Variants in CELF2 observed in about 807,000 individuals in gnomAD.
CELF2 encodes CUGBP Elav-like family member 2, also known as CUG triplet repeat RNA-binding protein 2.
CELF2 carries 8 observed loss-of-function variants against 62.6 expected under a neutral mutation model. The ratio of observed to expected loss-of-function variants is 0.13; its 90% CI spans 0.07 to 0.23. CELF2 has a LOEUF of 0.23. Ranked by LOEUF, CELF2 falls within the 10% of genes least tolerant of loss-of-function variation. The pLI, the probability that CELF2 is intolerant of heterozygous loss-of-function variation, is 1.00. For missense variants in CELF2, 333 were observed against 671.0 expected (o/e 0.50, Z 5.56); for synonymous variants, 258 against 250.0 (o/e 1.03, Z -0.30).
chr10:10,881,050 A>T (rs977862962), intron 1 of CELF2, among the ~76,000 whole-genome samples: 33 of 152,160 alleles, frequency 2.2e-4, no homozygotes, highest in African/African-American at 7.7e-4. Context: ...CAGTAAATAG[A>T]TTCTTCCAGA....
chr10:10,818,302 T>A (rs1434331588), intron 1 of CELF2, among the ~76,000 whole-genome samples: 1 of 152,186 alleles, frequency 6.6e-6, no homozygotes, highest in South Asian at 2.1e-4. Flanking sequence ...ATCAGTCACA[T>A]GCACCAGACT....
intron 1 of CELF2, among the ~76,000 whole-genome samples, chr10:10,862,854 A>G (rs1015528918): frequency 2.0e-5 from 3 of 152,214 alleles, no homozygotes; most frequent in Non-Finnish European, 2.9e-5. Flanking sequence ...ACACAAAAAC[A>G]ATTTATATTC....
rs35465939 is a variant in CELF2, at chr10:11,054,489, T to TTGTGTGTGTG, written c.74+36350_74+36359dup. Among the ~76,000 whole-genome samples, 742 of 149,574 alleles carry TTGTGTGTGTG rather than the reference T, an allele frequency of 5.0e-3. 9 individuals carry two copies. Among genetic ancestry groups the TTGTGTGTGTG allele is most frequent in the East Asian group, 0.033 (169 of 5,050 alleles). Reference sequence around the variant, plus strand: ...GAAGAAAACAACTGTGTATGTGTGTTTGTGTGTGTGTGTGTGTGTGTGTGT... The same window carrying TTGTGTGTGTG: ...GAAGAAAACAACTGTGTATGTGTGTTTGTGTGTGTGTGTGTGTGTGTGTGTGTGTGTGTGT... On this transcript the variant is annotated intron_variant, in intron 1 of 12. Coordinates refer to ENST00000633077, the MANE Select transcript of CELF2 (RefSeq NM_001326342.2).
chr10:10,481,664 T>C, the CELF2 span, among the ~76,000 whole-genome samples: 1 of 152,198 alleles, frequency 6.6e-6, no homozygotes, highest in Non-Finnish European at 1.5e-5. Context: ...AAATTAATAA[T>C]TGGGTCAGCA....
At chr10:10,873,512 TGTTTAGTAAGA>T (rs1471948872) in intron 1 of CELF2, among the ~76,000 whole-genome samples, 5 of 152,122 alleles carry the variant, frequency 3.3e-5, no homozygotes, top group Non-Finnish European at 5.9e-5. Flanking sequence ...CTGTCCAAGG[TGTTTAGTAAGA>T]TGAATTGCAG....
chr10:10,768,563 T>C, the CELF2 span, among the ~76,000 whole-genome samples: 4 of 144,602 alleles, frequency 2.8e-5, no homozygotes, highest in African/African-American at 1.0e-4. Context: ...TTTTCTTTCT[T>C]TCTTTTTCTT....
intron 8 of CELF2, among the ~76,000 whole-genome samples, chr10:11,281,799 C>A (rs1025854492): frequency 6.6e-6 from 1 of 152,160 alleles, no homozygotes; most frequent in Non-Finnish European, 1.5e-5. Context: ...AAACGTAGTA[C>A]ATAGTTAAGT....
intron 1 of CELF2, among the ~76,000 whole-genome samples, chr10:10,916,413 T>C (rs2064323232): frequency 6.6e-6 from 1 of 152,238 alleles, no homozygotes; most frequent in Non-Finnish European, 1.5e-5. Context: ...AATGTCAGTT[T>C]TTAGCACATG....
the CELF2 span, among the ~76,000 whole-genome samples, chr10:10,685,759 G>C: frequency 6.6e-6 from 1 of 152,182 alleles, no homozygotes; most frequent in African/African-American, 2.4e-5. Context: ...GAAAGAGTCT[G>C]TTTTCTAAGT....
In CELF2 at chr10:11,139,445, G is replaced by C. The variant is rs183702819; in HGVS notation, c.75-26041G>C. 2.4e-3 allele frequency among the ~76,000 whole-genome samples: 358 copies of C among 152,258 alleles called. 3 individuals carry two copies. Among genetic ancestry groups the C allele is most frequent in the African/African-American group, 8.3e-3 (346 of 41,552 alleles). On this transcript the variant is annotated intron_variant, in intron 1 of 12. Transcript: ENST00000633077. Reference sequence around the variant, plus strand: ...TTTGAACCCTTGATTGACTTTCGAGGAATATTTTAAACTGTCTAGAAAACT... The same window carrying C: ...TTTGAACCCTTGATTGACTTTCGAGCAATATTTTAAACTGTCTAGAAAACT...
rs1453075424 is a variant in CELF2 at position 11,177,608 on chromosome 10, C to A, written c.271+11926C>A. On this transcript the variant is annotated intron_variant, in intron 2 of 12. Transcript: ENST00000633077. This position sits in a 1 kb window ranked among gnomAD's most constrained non-coding sequence, Gnocchi z 4.8. ...AAACAGACCAGCCTGGTTTCACGTT[C>A]CAGACAGCATGAAGTACCTCAACAG... Among the ~76,000 whole-genome samples the A allele has an allele frequency of 6.6e-6, 1 of 152,156 alleles. No homozygotes were observed. Among genetic ancestry groups the A allele is most frequent in the East Asian group, 1.9e-4 (1 of 5,204 alleles).
rs148416636 is a variant in CELF2, at chr10:10,876,090, C to T, written c.54-43874C>T. On this transcript the variant is annotated intron_variant, in intron 1 of 13. Transcript: ENST00000636488. ...TTGTCATTAAAACACAATTGTGCTT[C>T]ACAGGTGTCAGCTGGGCAGAGGGGA... 2.6e-3 allele frequency among the ~76,000 whole-genome samples: 389 copies of T among 152,310 alleles called. 1 individual carries two copies. Among genetic ancestry groups the T allele is most frequent in the East Asian group, 7.1e-3 (37 of 5,188 alleles).
Position 11,080,759 on chromosome 10 carries a change from G to A in CELF2, c.74+62596G>A, listed in dbSNP as rs2773488. Among the ~76,000 whole-genome samples the A allele has an allele frequency of 7.4e-3, 1,126 of 152,366 alleles. 15 individuals are homozygous for A. The highest frequency in any genetic ancestry group is 0.026 in the African/African-American group (1,075 of 41,586). The stretch of plus-strand genomic sequence containing the variant: ...AAGCCCCTATTCCGGAGGTGGAGGA[G>A]GATGCTGGACAGGCTTTGCTGAGAC... On this transcript the variant is annotated intron_variant, in intron 1 of 12. Transcript: ENST00000633077.
chr10:10,634,585 G>A, the CELF2 span, among the ~76,000 whole-genome samples: 1 of 151,788 alleles, frequency 6.6e-6, no homozygotes, highest in African/African-American at 2.4e-5. Context: ...TCTAATCAGG[G>A]TAAGCTAGGT....
rs2096031788 is a variant in CELF2, at chr10:11,331,954, C to CTAAG, written c.*2903_*2906dup. On this transcript the variant is annotated 3_prime_UTR_variant, in exon 13 of 13. Transcript: ENST00000633077. The stretch of plus-strand genomic sequence containing the variant: ...GGATTTTTTTCCCTGCATCTATCCT[C>CTAAG]TAAGTTGTTTCGGTTTGACTACTTT... 2 of 152,234 alleles carry CTAAG rather than the reference C, an allele frequency of 1.3e-5. No individual in the cohort carries two copies. The highest frequency in any genetic ancestry group is 2.9e-5 in the Non-Finnish European group (2 of 68,018). The allele number at this position is 152,234 out of a possible 1,614,324, so 9.4% of individuals were successfully genotyped here.
intron 1 of CELF2, among the ~76,000 whole-genome samples, chr10:11,104,782 T>A (rs1452309803): frequency 6.6e-6 from 1 of 152,256 alleles, no homozygotes; most frequent in East Asian, 1.9e-4. Flanking sequence ...TTTCTAATAA[T>A]GCTCTTTGGA....
intron 2 of CELF2, among the ~76,000 whole-genome samples, chr10:10,924,724 CTTTTTTT>C (rs745848953): frequency 1.1e-5 from 1 of 89,160 alleles, no homozygotes; most frequent in Admixed American, 1.5e-4. Flanking sequence ...AACTTGATCG[CTTTTTTT>C]TTTTTTTTTT....
Position 11,332,262 on chromosome 10 carries a change from C to T in CELF2, c.*3209C>T, listed in dbSNP as rs894857183. The T allele has an allele frequency of 5.9e-5, 9 of 152,114 alleles. No homozygotes were observed. Among genetic ancestry groups the T allele is most frequent in the African/African-American group, 2.2e-4 (9 of 41,410 alleles). The allele number at this position is 152,114 out of a possible 1,614,324, so 9.4% of individuals were successfully genotyped here. A position where few individuals can be genotyped will look rare whatever the true frequency, so the allele number is the denominator to read the frequency against. On this transcript the variant is annotated 3_prime_UTR_variant, in exon 13 of 13. Transcript: ENST00000633077. ...TATTTTCATATACCTTGCAGTAAAA[C>T]GACTTTGTGGCAGGACAGTCTCTTG... is the stretch of plus-strand genomic sequence containing the variant.
At chr10:10,731,618 G>A in the CELF2 span, among the ~76,000 whole-genome samples, 10 of 152,168 alleles carry the variant, frequency 6.6e-5, no homozygotes, top group African/African-American at 1.9e-4. Flanking sequence ...TGGTTAGTCC[G>A]TATTTGAGGA....
Sources: allele counts gnomAD v4.1 joint callset (sites outside exome capture counted in the v4.1 genomes callset), GRCh38; gene constraint gnomAD v4.1.1; non-coding constraint Gnocchi (gnomAD v3.1); transcripts MANE v1.5; gene names NCBI Gene and HGNC (gene_info 2026-07-23, HGNC 2026-07-21).